Variants in EPB41 observed in about 807,000 individuals in gnomAD.
The protein encoded by EPB41 is erythrocyte membrane protein band 4.1, also known as protein 4.1.
Under a neutral mutation model 108.0 loss-of-function variants are expected in EPB41, and 65 were observed. The ratio of observed to expected loss-of-function variants is 0.60; its 90% CI spans 0.49 to 0.74. The LOEUF (loss-of-function observed/expected upper bound fraction) is 0.74, where lower values mean the gene tolerates loss of function less well. EPB41 is among the 30% of genes least tolerant of loss of function. The probability of loss-of-function intolerance (pLI) is 0.00; values close to 1 mark genes in which losing one functional copy is unlikely to be tolerated. For missense variants in EPB41, 875 were observed against 1,037.0 expected (o/e 0.84, Z 2.15); for synonymous variants, 336 against 358.9 (o/e 0.94, Z 0.72).
chr1:28,922,474 C>G (rs2148307714), intron 1 of EPB41, among the ~76,000 whole-genome samples: 1 of 151,882 alleles, frequency 6.6e-6, no homozygotes, highest in South Asian at 2.1e-4. Context: ...ATTCTGTTGC[C>G]CAGGCTGGAG....
At chr1:29,107,851 C>CAAAA (rs58046908) in intron 17 of EPB41, among the ~76,000 whole-genome samples, 1 of 62,826 alleles carries the variant, frequency 1.6e-5, no homozygotes, top group African/African-American at 6.8e-5. Context: ...AACTCCATCT[C>CAAAA]AAAAAAAAAA....
chr1:28,962,594 C>T (rs1193024404), intron 1 of EPB41, among the ~76,000 whole-genome samples: 1 of 152,100 alleles, frequency 6.6e-6, no homozygotes, highest in African/African-American at 2.4e-5. Flanking sequence ...TTCCCCAGCC[C>T]CTGCAACTCT....
chr1:29,054,739 C>A (rs1280902024), intron 12 of EPB41, among the ~76,000 whole-genome samples: 1 of 152,002 alleles, frequency 6.6e-6, no homozygotes, highest in Non-Finnish European at 1.5e-5. Context: ...AGTCCCAGCT[C>A]CTTGGGGGAC....
At chr1:28,925,152 G>T (rs770341144) in intron 1 of EPB41, among the ~76,000 whole-genome samples, 2 of 151,924 alleles carry the variant, frequency 1.3e-5, no homozygotes. Flanking sequence ...TTTAGTAGAG[G>T]CAGGGTTTCA....
chr1:29,061,572 G>GTTTTTTTTTTTTTTTTT lies in EPB41; in HGVS notation c.2007+1098_2007+1114dup, dbSNP rs34413393. On this transcript the variant is annotated intron_variant, in intron 15 of 20. Transcript: ENST00000343067. ...GCGTGAGCCACTGCGCCTGGCCTTT[G>GTTTTTTTTTTTTTTTTT]TTTTTTTTTTTTTTTTTTTTTTTTT... 2.0e-4 allele frequency among the ~76,000 whole-genome samples: 13 copies of GTTTTTTTTTTTTTTTTT among 64,050 alleles called. 4 individuals carry two copies. In the East Asian group the frequency reaches 3.6e-3, roughly 18 times the overall value. The allele number at this position is 64,050 out of a possible 152,430, so 42.0% of individuals were successfully genotyped here.
At chr1:28,914,258 G>T (rs2092410680), upstream of EPB41, among the ~76,000 whole-genome samples, 1 of 152,252 alleles carries the variant, frequency 6.6e-6, no homozygotes, top group African/African-American at 2.4e-5. Context: ...CATGCCCCAC[G>T]TGGGTGCTGC....
chr1:28,892,848 G>A (rs1431573232), intron 1 of EPB41, among the ~76,000 whole-genome samples: 1 of 132,652 alleles, frequency 7.5e-6, no homozygotes, highest in Non-Finnish European at 1.5e-5. Context: ...CTGTTGTCCA[G>A]GCTGGAGTGT....
At position 28,983,110 on chromosome 1, in the gene EPB41, C is replaced by T. The variant is rs1000554711; in HGVS notation, c.-7-4321C>T. Among the ~76,000 whole-genome samples, 36 of 152,260 alleles carry T rather than the reference C, an allele frequency of 2.4e-4. 1 individual carries two copies. Among genetic ancestry groups the T allele is most frequent in the Admixed American group, 2.1e-3 (32 of 15,286 alleles). On this transcript the variant is annotated intron_variant, in intron 1 of 20. Transcript: ENST00000343067. ...AGATACCCAGAACACTGAATCTGGG[C>T]ACTTGTCACAGCTGGGTAGGAAACT...
At chr1:28,933,927 T>C (rs1416113322) in intron 1 of EPB41, among the ~76,000 whole-genome samples, 2 of 152,182 alleles carry the variant, frequency 1.3e-5, no homozygotes, top group African/African-American at 2.4e-5. Flanking sequence ...TTTTTAACAT[T>C]AGTAAACTGA....
chr1:29,010,724 A>T (rs915204151), intron 4 of EPB41, among the ~76,000 whole-genome samples: 2 of 152,188 alleles, frequency 1.3e-5, no homozygotes, highest in African/African-American at 4.8e-5. Flanking sequence ...GAAGGACAAG[A>T]TTGGCGTGGG....
chr1:29,035,273 G>A (rs565151926), intron 9 of EPB41, among the ~76,000 whole-genome samples: 4 of 152,180 alleles, frequency 2.6e-5, no homozygotes, highest in East Asian at 1.9e-4. Context: ...GTAAGCCACC[G>A]TGCCTGGCAG....
chr1:28,990,520 A>G (rs938888900), intron 2 of EPB41, among the ~76,000 whole-genome samples: 2 of 151,664 alleles, frequency 1.3e-5, no homozygotes, highest in African/African-American at 4.9e-5. Context: ...TCCCGGGCTC[A>G]AGCTATCCTC....
upstream of EPB41, among the ~76,000 whole-genome samples, chr1:28,910,216 A>G (rs941748274): frequency 6.6e-6 from 1 of 152,154 alleles, no homozygotes; most frequent in Admixed American, 6.5e-5. Flanking sequence ...TAAATTTTCT[A>G]TGAACAATTC....
At chr1:29,072,005 T>C (rs1424621076) in intron 16 of EPB41, 3 of 152,194 alleles carry the variant, frequency 2.0e-5, no homozygotes, top group Admixed American at 6.5e-5. Context: ...TCCTTCAACA[T>C]CTACCAATAT....
chr1:28,978,193 T>G (rs528508029), intron 1 of EPB41, among the ~76,000 whole-genome samples: 17 of 151,596 alleles, frequency 1.1e-4, no homozygotes, highest in African/African-American at 3.9e-4. Flanking sequence ...GTTCGGCTTG[T>G]TTTTTACATA....
intron 4 of EPB41, among the ~76,000 whole-genome samples, chr1:29,009,512 TA>T (rs1239907538): frequency 6.6e-6 from 1 of 152,148 alleles, no homozygotes; most frequent in East Asian, 1.9e-4. Context: ...GAGATTCTCT[TA>T]AAATAATGGA....
intron 9 of EPB41, among the ~76,000 whole-genome samples, chr1:29,034,987 T>G (rs1274057102): frequency 2.7e-5 from 4 of 145,834 alleles, no homozygotes; most frequent in African/African-American, 5.0e-5. Context: ...TTTTTTTTTT[T>G]TTTTTTTTTT....
Position 29,051,352 on chromosome 1 carries a change from G to A in EPB41, c.1637-1752G>A, listed in dbSNP as rs140836321. 4.4e-3 allele frequency among the ~76,000 whole-genome samples: 661 copies of A among 151,516 alleles called. 4 individuals are homozygous for A. Among genetic ancestry groups the A allele is most frequent in the African/African-American group, 0.015 (627 of 41,390 alleles). ...GACCTCAGGTGATCTGCCCACCTCG[G>A]CCTCCCAAAGTGCTGGGATTACAGG... is the stretch of plus-strand genomic sequence containing the variant. On this transcript the variant is annotated intron_variant, in intron 11 of 20. Transcript: ENST00000343067.
intron 1 of EPB41, among the ~76,000 whole-genome samples, chr1:28,891,831 G>A (rs1557603076): frequency 6.6e-6 from 1 of 152,122 alleles, no homozygotes; most frequent in African/African-American, 2.4e-5. Context: ...GCTCACACCT[G>A]TAATCCCAGC....
Sources: gnomAD v4.1 joint callset for allele counts (sites outside exome capture counted in the v4.1 genomes callset) on GRCh38, gnomAD v4.1.1 for gene constraint, MANE v1.5 for transcripts, NCBI Gene and HGNC (gene_info 2026-07-23, HGNC 2026-07-21) for gene names.